FAM90A20: variants seen among roughly 807,000 people sequenced by gnomAD.
FAM90A20 encodes the protein family with sequence similarity 90 member A20.
the FAM90A20 span, chr8:7,296,470 T>C: frequency 4.4e-5 from 30 of 686,752 alleles, 6 homozygotes; most frequent in South Asian, 4.3e-4. Context: ...CAGCTTCCCG[T>C]CTGCGGGAGG....
chr8:7,295,784 C>T, the FAM90A20 span: 4 of 1,249,144 alleles, frequency 3.2e-6, 1 homozygote, highest in Non-Finnish European at 3.4e-6. Flanking sequence ...TGAAGCCAAC[C>T]CGGGGCCCTT....
chr8:7,295,501 C>T, the FAM90A20 span: 8 of 530,380 alleles, frequency 1.5e-5, no homozygotes, highest in Non-Finnish European at 1.6e-5. Flanking sequence ...CACTTAACGG[C>T]CCCCATGCCG....
the FAM90A20 span, chr8:7,296,477 G>C: frequency 4.5e-6 from 3 of 673,112 alleles, no homozygotes; most frequent in Non-Finnish European, 5.4e-6. Context: ...CCGTCTGCGG[G>C]AGGAAATCGG....
At chr8:7,295,779 C>G in the FAM90A20 span, 30 of 1,273,082 alleles carry the variant, frequency 2.4e-5, 2 homozygotes, top group East Asian at 3.6e-4. Context: ...GGGGTTGAAG[C>G]CAACCCGGGG....
At chr8:7,297,746 G>C in the FAM90A20 span, 47 of 1,483,592 alleles carry the variant, frequency 3.2e-5, 5 homozygotes, top group African/African-American at 8.1e-5. Flanking sequence ...CCTGCCTACT[G>C]CCCAGGCCTG....
At chr8:7,296,916 G>A in the FAM90A20 span, 10 of 677,840 alleles carry the variant, frequency 1.5e-5, 1 homozygote, top group African/African-American at 7.8e-5. Flanking sequence ...CACTCAGGTG[G>A]AGGGTCTGTC....
chr8:7,295,925 G>A, the FAM90A20 span: 1 of 574,030 alleles, frequency 1.7e-6, no homozygotes, highest in South Asian at 1.8e-5. Context: ...TTCCGTCTCC[G>A]GGCCAGGGAA....
the FAM90A20 span, chr8:7,297,489 G>A: frequency 4.6e-6 from 7 of 1,534,540 alleles, 1 homozygote; most frequent in South Asian, 3.3e-5. Context: ...CTCAGCTTTG[G>A]GTCAGGAGCC....
chr8:7,295,801 G>C, the FAM90A20 span: 13 of 1,134,910 alleles, frequency 1.1e-5, no homozygotes, highest in Admixed American at 2.3e-4. Context: ...CCTTGAACAA[G>C]GATAAGGGAG....
chr8:7,297,770 C>T, the FAM90A20 span: 709 of 1,459,290 alleles, frequency 4.9e-4, 57 homozygotes, highest in African/African-American at 0.012. Flanking sequence ...CATGTCCCAT[C>T]ACCCAGCGGC....
chr8:7,297,433 G>T, the FAM90A20 span: 83 of 1,556,676 alleles, frequency 5.3e-5, 8 homozygotes, highest in Non-Finnish European at 6.2e-5. Flanking sequence ...TGACCTCACA[G>T]CCCTGCCCAT....
the FAM90A20 span, chr8:7,297,218 C>T: frequency 2.6e-6 from 4 of 1,527,130 alleles, 1 homozygote; most frequent in South Asian, 2.2e-5. Context: ...CTCCTCAAGT[C>T]TTGGACCAAA....
the FAM90A20 span, chr8:7,297,286 C>G: frequency 1.0e-5 from 14 of 1,350,500 alleles, 2 homozygotes; most frequent in Middle Eastern, 3.0e-3. Flanking sequence ...GGCACCAGGT[C>G]CACGAGACTC....
At chr8:7,296,067 G>A in the FAM90A20 span, among the ~76,000 whole-genome samples, 1 of 130,538 alleles carries the variant, frequency 7.7e-6, no homozygotes, top group Non-Finnish European at 1.5e-5. Flanking sequence ...ACGACAGGGG[G>A]AAAAGCAATG....
the FAM90A20 span, chr8:7,296,982 C>A: frequency 8.1e-7 from 1 of 1,234,008 alleles, no homozygotes; most frequent in East Asian, 2.5e-5. Context: ...GGTGTGTGCA[C>A]CTTGTCTTTG....
the FAM90A20 span, chr8:7,297,009 A>G: frequency 2.1e-6 from 3 of 1,412,754 alleles, 1 homozygote; most frequent in South Asian, 2.5e-5. Context: ...TTTGATTTTC[A>G]TGTTGGCTCC....
the FAM90A20 span, chr8:7,297,719 C>G: frequency 3.3e-6 from 5 of 1,492,640 alleles, no homozygotes; most frequent in East Asian, 2.2e-5. Context: ...ACGGCAGCCT[C>G]CGCACCGCAG....
chr8:7,296,863 C>T, the FAM90A20 span, among the ~76,000 whole-genome samples: 4 of 136,848 alleles, frequency 2.9e-5, no homozygotes, highest in Non-Finnish European at 6.0e-5. Context: ...ATCAGCTACA[C>T]ATAGCTCGAT....
the FAM90A20 span, chr8:7,295,979 G>T: frequency 7.6e-6 from 4 of 525,076 alleles, no homozygotes; most frequent in East Asian, 3.2e-5. Context: ...GTCCTCCGGG[G>T]TTCCACACCC....
Sources: gnomAD v4.1 joint callset for allele counts (sites outside exome capture counted in the v4.1 genomes callset) on GRCh38, gnomAD v4.1.1 for gene constraint, MANE v1.5 for transcripts, NCBI Gene and HGNC (gene_info 2026-07-23, HGNC 2026-07-21) for gene names.